Variants in JAK2 observed in about 807,000 individuals in gnomAD.
JAK2 encodes the protein tyrosine-protein kinase JAK2.
In JAK2, 86 loss-of-function variants were observed where a neutral mutation model predicts 139.3. The observed-to-expected ratio is 0.62, with a 90% CI of 0.52 to 0.74. JAK2 has a LOEUF of 0.74. Ranked by LOEUF, JAK2 falls within the 30% of genes least tolerant of loss-of-function variation. JAK2 has a pLI of 0.00. For missense variants in JAK2, 1,421 were observed against 1,360.3 expected, an observed-to-expected ratio of 1.04 and a Z score of -0.70; for synonymous variants, 490 against 437.7, an observed-to-expected ratio of 1.12 and a Z score of -1.49.
intron 22 of JAK2, chr9:5,109,030 C>G (rs549785451): frequency 3.9e-5 from 6 of 152,234 alleles, no homozygotes; most frequent in African/African-American, 1.2e-4. Flanking sequence ...TGCCTTACCC[C>G]TACCATTAAT....
At chr9:5,069,391 G>C (rs1247189078) in intron 11 of JAK2, among the ~76,000 whole-genome samples, 183 bp downstream of exon 11, 1 of 152,112 alleles carries the variant, frequency 6.6e-6, no homozygotes, top group Non-Finnish European at 1.5e-5. Context: ...TGGTGGTCTA[G>C]AAGTGACTTG....
chr9:5,014,063 G>GT (rs1821887683), intron 2 of JAK2, among the ~76,000 whole-genome samples: 1 of 151,506 alleles, frequency 6.6e-6, no homozygotes, highest in Non-Finnish European at 1.5e-5. Context: ...TATGAGTAAA[G>GT]TTTGAAAATA....
At chr9:5,034,045 C>G (rs201313382) in intron 4 of JAK2, among the ~76,000 whole-genome samples, 6 of 152,002 alleles carry the variant, frequency 3.9e-5, no homozygotes, top group East Asian at 1.9e-4. Context: ...GATGGAGGAA[C>G]ATCTACCAAG....
chr9:5,100,293 G>A lies in JAK2; in HGVS notation c.3059+9382G>A, dbSNP rs1821370089. 1.3e-5 allele frequency: 2 copies of A among 152,246 alleles called. 1 individual carries two copies. 9.4% of individuals were successfully genotyped at this position (152,246 alleles called of 1,614,324 possible). A position where few individuals can be genotyped will look rare whatever the true frequency, so the allele number is the denominator to read the frequency against. On this transcript the variant is annotated intron_variant, in intron 22 of 24. Coordinates refer to ENST00000381652, the MANE Select transcript of JAK2 (RefSeq NM_004972.4). ...CAAACCCAGCCCCTGACCACTAACAGAAGCTCTCTCAGCTCTACTAATAAC... is the reference window on the plus strand; with the variant it reads ...CAAACCCAGCCCCTGACCACTAACAAAAGCTCTCTCAGCTCTACTAATAAC...
intron 5 of JAK2, among the ~76,000 whole-genome samples, chr9:5,047,763 T>C (rs1440079600): frequency 2.0e-5 from 3 of 152,100 alleles, no homozygotes; most frequent in Non-Finnish European, 4.4e-5. Flanking sequence ...GCCTGGCTAA[T>C]TTTTTTAGTT....
intron 4 of JAK2, among the ~76,000 whole-genome samples, chr9:5,033,827 A>G (rs1470975438): frequency 3.9e-5 from 6 of 152,228 alleles, no homozygotes; most frequent in Middle Eastern, 3.2e-3. Context: ...AAGAAACTGC[A>G]TCAACTAATG....
At chr9:5,016,123 G>A (rs972166849) in intron 2 of JAK2, among the ~76,000 whole-genome samples, 2 of 152,114 alleles carry the variant, frequency 1.3e-5, no homozygotes, top group African/African-American at 4.8e-5. Flanking sequence ...ATAGACTATT[G>A]GAAGGGGAAC....
intron 8 of JAK2, among the ~76,000 whole-genome samples, chr9:5,063,911 A>G (rs1159064328): frequency 1.3e-5 from 2 of 152,264 alleles, no homozygotes; most frequent in African/African-American, 4.8e-5. Context: ...TAATCCCAGC[A>G]CTTTGGGAGG....
At position 5,058,287 on chromosome 9, in the gene JAK2, G is replaced by A. The variant is rs555334171; in HGVS notation, c.1056+2499G>A. Reference sequence around the variant, plus strand: ...TTTAAAAAGAGGGTTTAATTGACTCGCAGTTCGGCATGGCTGGCCCAGGAA... The same window carrying A: ...TTTAAAAAGAGGGTTTAATTGACTCACAGTTCGGCATGGCTGGCCCAGGAA... On this transcript the variant is annotated intron_variant, in intron 8 of 24. Transcript: ENST00000381652. Among the ~76,000 whole-genome samples, 18 of 152,240 alleles carry A rather than the reference G, an allele frequency of 1.2e-4. No individual in the cohort carries two copies. The East Asian group carries it at 1.7e-3, about 15-fold the overall frequency.
At position 5,029,815 on chromosome 9, in the gene JAK2, T is replaced by C. The variant is rs1322786890; in HGVS notation, c.259T>C (p.Leu87=). ...ACCTGTGTATCATAATATGTTTGCT[T>C]TAATGAGTGAAACAGAAAGGATCTG... is the stretch of plus-strand genomic sequence containing the variant. ...ITPVYHNMFA[L]MSETERIWYP... Residue 87 remains leucine (L), a synonymous_variant, in exon 4 of 25, where the codon TTA becomes CTA. Coordinates refer to ENST00000381652, the MANE Select transcript of JAK2 (RefSeq NM_004972.4). 6.2e-7 allele frequency: 1 copy of C among 1,611,698 alleles called. No individual in the cohort carries two copies. The highest frequency in any genetic ancestry group is 2.2e-5 in the East Asian group (1 of 44,748).
intron 22 of JAK2, chr9:5,111,813 C>A: frequency 2.4e-6 from 1 of 420,882 alleles, no homozygotes; most frequent in Admixed American, 2.7e-5. Context: ...GCCACGTAGG[C>A]GGCGTCTCCA....
At chr9:5,118,819 G>C (rs928874202) in intron 22 of JAK2, among the ~76,000 whole-genome samples, 22 of 152,202 alleles carry the variant, frequency 1.4e-4, no homozygotes, top group African/African-American at 4.6e-4. Flanking sequence ...AGTTTCATTT[G>C]ATCAGATCCA....
intron 2 of JAK2, among the ~76,000 whole-genome samples, chr9:5,011,206 C>G (rs985690149): frequency 1.3e-5 from 2 of 151,642 alleles, no homozygotes; most frequent in African/African-American, 4.9e-5. Context: ...CTCTGTTCCA[C>G]TTATATGTAT....
At chr9:4,993,059 T>C (rs990903796) in intron 2 of JAK2, among the ~76,000 whole-genome samples, 22 of 152,204 alleles carry the variant, frequency 1.4e-4, no homozygotes, top group African/African-American at 4.3e-4. Context: ...AAAGGCCCCC[T>C]TTTATATAGC....
At chr9:4,997,750 A>T (rs1820665461) in intron 2 of JAK2, among the ~76,000 whole-genome samples, 1 of 152,184 alleles carries the variant, frequency 6.6e-6, no homozygotes, top group East Asian at 1.9e-4. Flanking sequence ...GGATTTTAGG[A>T]CTTGGGGAAT....
intron 22 of JAK2, among the ~76,000 whole-genome samples, chr9:5,113,070 C>T (rs570050540): frequency 8.5e-5 from 13 of 152,148 alleles, no homozygotes; most frequent in African/African-American, 2.2e-4. Context: ...CCTGGGACCC[C>T]GGCTCACCCC....
In JAK2 at chr9:5,021,998, C is replaced by G. The variant is rs773675185; in HGVS notation, c.11C>G (p.Ala4Gly). The G allele has an allele frequency of 2.5e-6, 4 of 1,612,948 alleles. No homozygotes were observed. The highest frequency in any genetic ancestry group is 1.3e-5 in the African/African-American group (1 of 74,890). Residue 4 changes from alanine to glycine, a missense_variant, in exon 3 of 25, where the codon GCC (alanine) becomes GGC (glycine). Physicochemically the swap from Ala to Gly is moderately conservative, Grantham distance 60. Coordinates refer to ENST00000381652, the MANE Select transcript of JAK2 (RefSeq NM_004972.4). MGM[A>G]CLTMTEMEGT... ...TGAAAAAGACTCTGCATGGGAATGG[C>G]CTGCCTTACGATGACAGAAATGGAG...
intron 8 of JAK2, among the ~76,000 whole-genome samples, chr9:5,061,584 G>A (rs541801134): frequency 6.6e-5 from 10 of 152,272 alleles, no homozygotes; most frequent in East Asian, 1.9e-4. Context: ...AAGAGCATTA[G>A]GGTCTTGCTC....
At chr9:5,002,924 T>C (rs1202593914) in intron 2 of JAK2, among the ~76,000 whole-genome samples, 3 of 151,976 alleles carry the variant, frequency 2.0e-5, no homozygotes, top group African/African-American at 4.8e-5. Flanking sequence ...ATGAAGTAGA[T>C]AGAAGTTAAG....
Sources: gnomAD v4.1 joint callset for allele counts (sites outside exome capture counted in the v4.1 genomes callset) on GRCh38, gnomAD v4.1.1 for gene constraint, MANE v1.5 for transcripts, NCBI Gene and HGNC (gene_info 2026-07-23, HGNC 2026-07-21) for gene names.